Variants in DST observed in about 807,000 individuals in gnomAD.
DST encodes the protein dystonin.
DST carries 253 observed loss-of-function variants against 875.2 expected under a neutral mutation model. The ratio of observed to expected loss-of-function variants is 0.29; its 90% CI spans 0.26 to 0.32. DST has a LOEUF of 0.32. Ranked by LOEUF, DST falls within the 10% of genes least tolerant of loss-of-function variation. The probability of loss-of-function intolerance (pLI) is 1.00; values close to 1 mark genes in which losing one functional copy is unlikely to be tolerated. For synonymous variants in DST, 3,124 were observed against 3,197.1 expected, an observed-to-expected ratio of 0.98 and a Z score of 0.77; for missense variants, 8,287 against 9,111.6, an observed-to-expected ratio of 0.91 and a Z score of 3.68.
At chr6:56,460,359 C>A in intron 102 of DST, 105 bp from the exon 103 acceptor site, 1 of 1,220,430 alleles carries the variant, frequency 8.2e-7, no homozygotes, top group Non-Finnish European at 1.1e-6. Context: ...TACTATTCCT[C>A]TTTAGGAGGT....
intron 90 of DST, among the ~76,000 whole-genome samples, chr6:56,481,209 G>A (rs1205889434): frequency 6.6e-6 from 1 of 152,154 alleles, no homozygotes; most frequent in African/African-American, 2.4e-5. Flanking sequence ...TAGAATTAAT[G>A]ATGTATTTCC....
intron 78 of DST, among the ~76,000 whole-genome samples, chr6:56,503,470 A>T (rs923818441): frequency 5.3e-5 from 8 of 152,076 alleles, no homozygotes; most frequent in Non-Finnish European, 1.2e-4. Context: ...AAGAAAAATG[A>T]TGCTGTAGTG....
At position 56,477,392 on chromosome 6, in the gene DST, T is replaced by C. The variant is rs372821697; in HGVS notation, c.21628A>G (p.Thr7210Ala). ...VLAICHPDSI[T>A]TIKHWITIIR... ...ATTGTTATCCAGTGCTTAATGGTAG[T>C]GATGGAGTCGGGGTGGCAGATAGCC... Residue 7210 changes from threonine to alanine, a missense_variant, in exon 91 of 104, where the codon ACT (threonine) becomes GCT (alanine). By Grantham distance (58) the Thr-to-Ala change is moderately conservative (BLOSUM62 0). Coordinates refer to ENST00000680361, the MANE Select transcript of DST (RefSeq NM_001374736.1). The C allele has an allele frequency of 2.0e-5, 32 of 1,613,872 alleles. No homozygotes were observed. The highest frequency in any genetic ancestry group is 2.7e-5 in the African/African-American group (2 of 74,932).
rs533920331 is a variant in DST at position 56,923,435 on chromosome 6, A to G, written c.217-22814T>C. On this transcript the variant is annotated intron_variant, in intron 2 of 103. Transcript: ENST00000680361. ...TTTTTTCCCTGGATTAGATGGAGAG[A>G]GTGGATGCTGGTAAACCGGCTCACT... 9.0e-5 allele frequency among the ~76,000 whole-genome samples: 12 copies of G among 133,544 alleles called. 1 individual carries two copies. The South Asian group carries it at 3.1e-3, about 34-fold the overall frequency. The allele number at this position is 133,544 out of a possible 152,430, so 87.6% of individuals were successfully genotyped here. A position where few individuals can be genotyped will look rare whatever the true frequency, so the allele number is the denominator to read the frequency against.
intron 55 of DST, among the ~76,000 whole-genome samples, chr6:56,568,061 A>G (rs917060007): frequency 6.6e-6 from 1 of 152,094 alleles, no homozygotes; most frequent in South Asian, 2.1e-4. Flanking sequence ...AAAAGGGCCT[A>G]TTTCCTTCCC....
rs777512043 is a variant in DST at position 56,530,113 on chromosome 6, A to T, written c.17129T>A (p.Ile5710Asn). The change falls in exon 65 of 104, where the codon ATC (isoleucine) becomes AAC (asparagine). Residue 5710 changes from isoleucine (I) to asparagine (N), a missense_variant. Ile to Asn is a moderately radical substitution (Grantham distance 149). This residue lies in a region of DST where 777 missense variants were observed against 764.8 expected (regional missense o/e 1.02). Transcript: ENST00000680361. ...ATGAAATTGCTGTGCTACCACCGAG[A>T]TACCTTCCAACTGACGATTCCTACA... The part of the protein sequence containing the change: ...AETRNRQLEG[I>N]SVVAQQFHET... The T allele has an allele frequency of 6.2e-7, 1 of 1,601,966 alleles. No homozygotes were observed.
chr6:56,698,205 G>C lies in DST; in HGVS notation c.1047+1448C>G, dbSNP rs893630902. ...TCTGTTCAGGTCCTAGACCTACCTA[G>C]ACTCTGATTCCTGTAGCTCTCCATA... On this transcript the variant is annotated intron_variant, in intron 9 of 103. Coordinates refer to ENST00000680361, the MANE Select transcript of DST (RefSeq NM_001374736.1). 3.5e-4 allele frequency among the ~76,000 whole-genome samples: 53 copies of C among 151,908 alleles called. 1 individual carries two copies. The highest frequency in any genetic ancestry group is 1.6e-4 in the Non-Finnish European group (11 of 68,004).
intron 4 of DST, among the ~76,000 whole-genome samples, chr6:56,782,538 T>TA (rs1302256157): frequency 6.6e-5 from 10 of 152,234 alleles, no homozygotes; most frequent in Admixed American, 3.3e-4. Context: ...TCTCTGATGG[T>TA]AGTTTGTATT....
intron 13 of DST, among the ~76,000 whole-genome samples, chr6:56,648,180 C>G (rs1288371544): frequency 6.6e-6 from 1 of 152,066 alleles, no homozygotes; most frequent in Non-Finnish European, 1.5e-5. Flanking sequence ...CAGTTTTTAA[C>G]AGGGCTCAAC....
At position 56,552,228 on chromosome 6, in the gene DST, C is replaced by A; in HGVS notation, c.16564G>T (p.Gly5522Cys). The change falls in exon 61 of 104, where the codon GGT (glycine) becomes TGT (cysteine). Residue 5522 changes from glycine to cysteine, a missense_variant. Gly to Cys is a radical substitution (Grantham distance 159). This residue lies in a region of DST where 777 missense variants were observed against 764.8 expected (regional missense o/e 1.02). Coordinates refer to ENST00000680361, the MANE Select transcript of DST (RefSeq NM_001374736.1). ...EEHEESQGPV[G>C]METETINQQL... is the part of the protein sequence containing the mutation. Reference sequence around the variant, plus strand: ...TGATTAATTGTCTCCGTTTCCATACCAACAGGACCTTGTGACTCTTCATGT... The same window carrying A: ...TGATTAATTGTCTCCGTTTCCATACAAACAGGACCTTGTGACTCTTCATGT... 1 of 1,613,772 alleles carries A rather than the reference C, an allele frequency of 6.2e-7. No homozygotes were observed.
intron 35 of DST, 73 bp from the exon 36 acceptor site, chr6:56,624,701 A>C: frequency 1.0e-6 from 1 of 988,856 alleles, no homozygotes; most frequent in Non-Finnish European, 1.6e-6. Context: ...ATTTTGAATA[A>C]TAATTACATT....
At chr6:56,905,084 G>A (rs532369431) in intron 2 of DST, among the ~76,000 whole-genome samples, 3 of 152,200 alleles carry the variant, frequency 2.0e-5, no homozygotes, top group Admixed American at 6.5e-5. Flanking sequence ...CACCATGCCC[G>A]GCCAATAAGA....
intron 4 of DST, among the ~76,000 whole-genome samples, chr6:56,775,000 A>C (rs2099675673): frequency 6.6e-6 from 1 of 151,920 alleles, no homozygotes; most frequent in Non-Finnish European, 1.5e-5. Context: ...CTCAAAAAAA[A>C]AAAAAAAAAA....
chr6:56,561,594 T>C (rs1300330826), intron 56 of DST, 45 bp from the exon 57 acceptor site: 8 of 1,567,056 alleles, frequency 5.1e-6, no homozygotes, highest in Admixed American at 1.9e-5. Context: ...TTCAGGACAT[T>C]TGGAGCAGAG....
In DST at chr6:56,936,720, A is replaced by G. The variant is rs143919804; in HGVS notation, c.216+17065T>C. Among the ~76,000 whole-genome samples, 259 of 152,314 alleles carry G rather than the reference A, an allele frequency of 1.7e-3. 2 individuals are homozygous for G. Among genetic ancestry groups the G allele is most frequent in the Middle Eastern group, 0.014 (4 of 294 alleles). On this transcript the variant is annotated intron_variant, in intron 2 of 103. Coordinates refer to ENST00000680361, the MANE Select transcript of DST (RefSeq NM_001374736.1). ...AAAGCCCCAACTTTTTGGCTAGACA[A>G]ACAAAAAGGGAATCCGAAAGTACTA...
chr6:56,533,852 G>A (rs2096942701), intron 63 of DST, among the ~76,000 whole-genome samples: 1 of 151,968 alleles, frequency 6.6e-6, no homozygotes, highest in African/African-American at 2.4e-5. Context: ...TAGGGAGATA[G>A]TATTAAATGT....
At chr6:56,496,945 A>G (rs999097510) in intron 82 of DST, among the ~76,000 whole-genome samples, 3 of 152,050 alleles carry the variant, frequency 2.0e-5, no homozygotes, top group Non-Finnish European at 2.9e-5. Flanking sequence ...ATTCTCACTC[A>G]TAGGTGGGAA....
chr6:56,618,295 T>C (rs1471140955), intron 36 of DST: 1 of 1,614,106 alleles, frequency 6.2e-7, no homozygotes. Context: ...CTTGAGTCCA[T>C]CTCAACAGAG....
intron 90 of DST, among the ~76,000 whole-genome samples, chr6:56,479,524 T>C (rs1463251555): frequency 6.6e-6 from 1 of 151,822 alleles, no homozygotes; most frequent in African/African-American, 2.4e-5. Context: ...AGAACCAATA[T>C]AAGTGTCCAT....
Sources: allele counts gnomAD v4.1 joint callset (sites outside exome capture counted in the v4.1 genomes callset), GRCh38; gene constraint gnomAD v4.1.1; regional missense constraint gnomAD v4.1.1; transcripts MANE v1.5; gene names NCBI Gene and HGNC (gene_info 2026-07-23, HGNC 2026-07-21).